SARS2: variants seen among roughly 807,000 people sequenced by gnomAD.
The protein encoded by SARS2 is serine--tRNA ligase, mitochondrial.
SARS2 carries 52 observed loss-of-function variants against 66.8 expected under a neutral mutation model. The ratio of observed to expected loss-of-function variants is 0.78; its 90% CI spans 0.62 to 0.98. The LOEUF is 0.98. Among genes scored for constraint, SARS2 ranks in the 50% least tolerant of loss-of-function variants. The probability of loss-of-function intolerance (pLI) is 0.00; values close to 1 mark genes in which losing one functional copy is unlikely to be tolerated. For synonymous variants in SARS2, 306 were observed against 281.4 expected (o/e 1.09, Z -0.87); for missense variants, 673 against 706.3 (o/e 0.95, Z 0.53).
intron 3 of SARS2, chr19:38,922,003 C>T: frequency 6.4e-7 from 1 of 1,552,170 alleles, no homozygotes; most frequent in Non-Finnish European, 8.7e-7. Flanking sequence ...CCTACTTACA[C>T]AAGGAGAGAA....
intron 15 of SARS2, 35 bp downstream of exon 15, chr19:38,915,806 A>G: frequency 6.2e-7 from 1 of 1,613,002 alleles, no homozygotes; most frequent in Non-Finnish European, 8.5e-7. Context: ...CCCGGCGCTG[A>G]GCTGCCTCTC....
At chr19:38,927,683 G>C (rs998489019) in intron 1 of SARS2, among the ~76,000 whole-genome samples, 1 of 152,032 alleles carries the variant, frequency 6.6e-6, no homozygotes, top group Non-Finnish European at 1.5e-5. Context: ...CAACGATTCC[G>C]ACGTTTCCAC....
intron 2 of SARS2, among the ~76,000 whole-genome samples, chr19:38,925,294 C>T (rs1974608689): frequency 6.6e-6 from 1 of 152,172 alleles, no homozygotes; most frequent in Non-Finnish European, 1.5e-5. Context: ...GCCTGGGTAA[C>T]AGAGTGAGAC....
chr19:38,921,172 A>G (rs2144770699), intron 5 of SARS2, among the ~76,000 whole-genome samples: 1 of 152,332 alleles, frequency 6.6e-6, no homozygotes. Context: ...ACACAGGGTG[A>G]GACTGCCCAA....
At chr19:38,918,574 C>T (rs753313306) in intron 8 of SARS2, 44 bp from the exon 9 acceptor site, 4 of 1,522,042 alleles carry the variant, frequency 2.6e-6, no homozygotes, top group Non-Finnish European at 2.7e-6. Context: ...GACAGGTAAC[C>T]CTGGCCTCTC....
intron 9 of SARS2, 82 bp downstream of exon 9, chr19:38,918,340 T>G: frequency 7.4e-7 from 1 of 1,344,628 alleles, no homozygotes; most frequent in Non-Finnish European, 1.1e-6. Flanking sequence ...GGGCAGGTGA[T>G]CCCCCCCAGT....
At chr19:38,923,228 T>TA (rs964039012) in intron 2 of SARS2, among the ~76,000 whole-genome samples, 1 of 122,590 alleles carries the variant, frequency 8.2e-6, no homozygotes, top group Non-Finnish European at 1.7e-5. Context: ...TCTTTTTTTT[T>TA]TTTTTTTTTT....
chr19:38,920,523 G>A (rs1974501541), intron 5 of SARS2, among the ~76,000 whole-genome samples: 1 of 151,734 alleles, frequency 6.6e-6, no homozygotes, highest in African/African-American at 2.4e-5. Context: ...CGGAGACAGG[G>A]ACCAAAGCAG....
chr19:38,930,210 C>T, intron 1 of SARS2: 1 of 514,812 alleles, frequency 1.9e-6, no homozygotes, highest in South Asian at 2.6e-5. Context: ...TCCTAAAGGA[C>T]AGGAGGTACC....
rs779662720 is a variant in SARS2 at position 38,916,140 on chromosome 19, G to A, written c.1255-11C>T. Reference sequence around the variant, plus strand: ...GGAAGCACTGGTGACCTGGGGTGGAGGAGCGGCAGGCTGAGCGGATCAGGG... The same window carrying A: ...GGAAGCACTGGTGACCTGGGGTGGAAGAGCGGCAGGCTGAGCGGATCAGGG... On this transcript the variant is annotated splice_polypyrimidine_tract_variant and intron_variant, in intron 13 of 15. Transcript: ENST00000221431. 1.2e-6 allele frequency: 2 copies of A among 1,613,790 alleles called. No individual in the cohort carries two copies. The highest frequency in any genetic ancestry group is 1.7e-6 in the Non-Finnish European group (2 of 1,179,966).
intron 11 of SARS2, 33 bp downstream of exon 11, chr19:38,917,883 CCCCCA>C (rs776027268): frequency 3.1e-5 from 50 of 1,609,070 alleles, no homozygotes; most frequent in Non-Finnish European, 4.1e-5. Flanking sequence ...TTGGGGTGGC[CCCCCA>C]CCCCAGCCCC....
Position 38,921,675 on chromosome 19 carries a change from C to A in SARS2, c.394-8G>T. On this transcript the variant is annotated splice_region_variant and splice_polypyrimidine_tract_variant and intron_variant, in intron 3 of 15. Transcript: ENST00000221431. ...ACCCTGGTACTTGGGGTCCTGGGGG[C>A]AGCACAGGTGGGCTCAGCCCGGGAG... The A allele has an allele frequency of 6.2e-7, 1 of 1,614,026 alleles. No homozygotes were observed. The highest frequency in any genetic ancestry group is 2.2e-5 in the East Asian group (1 of 44,884).
In SARS2 at chr19:38,916,143, G is replaced by A. The variant is rs1240315747; in HGVS notation, c.1255-14C>T. On this transcript the variant is annotated splice_polypyrimidine_tract_variant and intron_variant, in intron 13 of 15. Transcript: ENST00000221431. ...AGCACTGGTGACCTGGGGTGGAGGAGCGGCAGGCTGAGCGGATCAGGGATG... is the reference window on the plus strand; with the variant it reads ...AGCACTGGTGACCTGGGGTGGAGGAACGGCAGGCTGAGCGGATCAGGGATG... The A allele has an allele frequency of 2.5e-6, 4 of 1,613,804 alleles. No homozygotes were observed. Among genetic ancestry groups the A allele is most frequent in the Admixed American group, 1.7e-5 (1 of 60,014 alleles).
chr19:38,923,835 G>A (rs1440469402), intron 2 of SARS2, among the ~76,000 whole-genome samples: 1 of 152,066 alleles, frequency 6.6e-6, no homozygotes, highest in African/African-American at 2.4e-5. Flanking sequence ...TTAGCTGGGC[G>A]CGGTGGCGGG....
intron 5 of SARS2, among the ~76,000 whole-genome samples, chr19:38,920,906 GAT>G (rs1456329415): frequency 6.8e-6 from 1 of 146,410 alleles, no homozygotes; most frequent in Admixed American, 6.8e-5. Flanking sequence ...CACAAACACA[GAT>G]ATACACACAC....
intron 9 of SARS2, 69 bp from the exon 10 acceptor site, chr19:38,918,208 G>GGGTT: frequency 6.6e-6 from 10 of 1,508,344 alleles, no homozygotes; most frequent in Non-Finnish European, 9.0e-6. Context: ...AAGATTAAGA[G>GGGTT]GCACTCCCTC....
chr19:38,917,614 G>A lies in SARS2; in HGVS notation c.1160+110C>T, dbSNP rs566898782. 6.9e-5 allele frequency: 53 copies of A among 764,156 alleles called. 1 individual carries two copies. Among genetic ancestry groups the A allele is most frequent in the African/African-American group, 4.6e-4 (27 of 58,142 alleles). 47.3% of individuals were successfully genotyped at this position (764,156 alleles called of 1,614,324 possible). A position where few individuals can be genotyped will look rare whatever the true frequency, so the allele number is the denominator to read the frequency against. ...GTAATCCTTGTACAGGAAAATGGGGGCAACGAGGGGGCTGGAGAGGTGGTT... is the reference window on the plus strand; with the variant it reads ...GTAATCCTTGTACAGGAAAATGGGGACAACGAGGGGGCTGGAGAGGTGGTT... On this transcript the variant is annotated intron_variant, in intron 12 of 15. Coordinates refer to ENST00000221431, the MANE Select transcript of SARS2 (RefSeq NM_017827.4).
At position 38,930,517 on chromosome 19, in the gene SARS2, G is replaced by T; in HGVS notation, c.220C>A (p.Leu74Met). Residue 74 changes from leucine to methionine, a missense_variant, in exon 1 of 16, where the codon CTG becomes ATG. Leu to Met is a conservative substitution (Grantham distance 15). Transcript: ENST00000221431. ...CACPEEAAHA[L>M]ELRKGELRSA... is the part of the protein sequence containing the mutation. ...CGCAGCTCCCCCTTGCGGAGCTCCA[G>T]GGCGTGTGCGGCCTCTTCTGGGCAT... 6.2e-7 allele frequency: 1 copy of T among 1,612,710 alleles called. No homozygotes were observed. The highest frequency in any genetic ancestry group is 2.2e-5 in the East Asian group (1 of 44,864).
In SARS2 at chr19:38,919,854, C is replaced by T. The variant is rs755262990; in HGVS notation, c.667G>A (p.Val223Met). 6 of 1,613,994 alleles carry T rather than the reference C, an allele frequency of 3.7e-6. No homozygotes were observed. The highest frequency in any genetic ancestry group is 1.1e-5 in the South Asian group (1 of 91,068). The change falls in exon 7 of 16, where the codon GTG becomes ATG. Residue 223 changes from valine to methionine, a missense_variant. Physicochemically the swap from Val to Met is conservative, Grantham distance 21. Coordinates refer to ENST00000221431, the MANE Select transcript of SARS2 (RefSeq NM_017827.4). ...DIIRQKRLSH[V>M]SGHRSYYLRG... ...AGGTAATAGGACCGGTGGCCAGACA[C>T]GTGGGACAGGCGCCTGGGAGACAGA...
Sources: allele counts gnomAD v4.1 joint callset (sites outside exome capture counted in the v4.1 genomes callset), GRCh38; gene constraint gnomAD v4.1.1; transcripts MANE v1.5; gene names NCBI Gene and HGNC (gene_info 2026-07-23, HGNC 2026-07-21).